Variants in PTPRQ observed in about 807,000 individuals in gnomAD.
PTPRQ encodes protein tyrosine phosphatase receptor type Q, also known as phosphatidylinositol phosphatase PTPRQ.
Under a neutral mutation model 246.0 loss-of-function variants are expected in PTPRQ, and 199 were observed. That is an observed-to-expected ratio of 0.81 (90% CI 0.72 to 0.91). The LOEUF (loss-of-function observed/expected upper bound fraction) is 0.91. Among genes scored for constraint, PTPRQ ranks in the 40% least tolerant of loss-of-function variants. PTPRQ has a pLI of 0.00. For synonymous variants in PTPRQ, 869 were observed against 853.2 expected, an observed-to-expected ratio of 1.02 and a Z score of -0.32; for missense variants, 2,624 against 2,528.4, an observed-to-expected ratio of 1.04 and a Z score of -0.81.
At chr12:80,643,314 T>G (rs2121204791) in intron 35 of PTPRQ, among the ~76,000 whole-genome samples, 1 of 151,918 alleles carries the variant, frequency 6.6e-6, no homozygotes, top group African/African-American at 2.4e-5. Flanking sequence ...GGCAGACACC[T>G]GTAATCCCAG....
chr12:80,574,768 G>A (rs570110296), intron 25 of PTPRQ, among the ~76,000 whole-genome samples: 138 of 152,172 alleles, frequency 9.1e-4, no homozygotes, highest in Non-Finnish European at 1.6e-3. Flanking sequence ...TGTTATACGT[G>A]TCAGCTATAT....
At chr12:80,505,148 T>A (rs1401504308) in intron 14 of PTPRQ, among the ~76,000 whole-genome samples, 1 of 151,912 alleles carries the variant, frequency 6.6e-6, no homozygotes, top group Non-Finnish European at 1.5e-5. Context: ...TACACATATG[T>A]TACTATACAA....
At chr12:80,482,052 G>A (rs1894082776) in intron 8 of PTPRQ, among the ~76,000 whole-genome samples, 3 of 149,746 alleles carry the variant, frequency 2.0e-5, no homozygotes, top group South Asian at 2.1e-4. Context: ...AACCAAAAAA[G>A]AGCCCGCATC....
At chr12:80,514,402 A>ACACACACTCTCTCTCT (rs552667526) in intron 17 of PTPRQ, among the ~76,000 whole-genome samples, 2 of 112,980 alleles carry the variant, frequency 1.8e-5, no homozygotes, top group Admixed American at 1.0e-4. Flanking sequence ...ACACACACAC[A>ACACACACTCTCTCTCT]CTCTCTCTCT....
chr12:80,521,347 G>C (rs1472983858), intron 17 of PTPRQ, among the ~76,000 whole-genome samples: 1 of 152,062 alleles, frequency 6.6e-6, no homozygotes, highest in Non-Finnish European at 1.5e-5. Context: ...CTTTTGCTGT[G>C]CAGAAGCTCT....
intron 6 of PTPRQ, among the ~76,000 whole-genome samples, chr12:80,467,656 A>C (rs2120523304): frequency 6.6e-6 from 1 of 152,138 alleles, no homozygotes; most frequent in South Asian, 2.1e-4. Flanking sequence ...GCACATATAC[A>C]CCATGGAATA....
At chr12:80,651,039 C>T (rs1739890574) in intron 37 of PTPRQ, among the ~76,000 whole-genome samples, 1 of 151,936 alleles carries the variant, frequency 6.6e-6, no homozygotes, top group Admixed American at 6.6e-5. Flanking sequence ...TTTATAAGTT[C>T]CTACTATGTG....
At chr12:80,482,289 T>C (rs890803910) in intron 8 of PTPRQ, among the ~76,000 whole-genome samples, 1 of 151,598 alleles carries the variant, frequency 6.6e-6, no homozygotes, top group East Asian at 1.9e-4. Context: ...ATTCCTTATT[T>C]AATAAATGGT....
chr12:80,596,746 A>T (rs1218857040), intron 26 of PTPRQ, among the ~76,000 whole-genome samples: 1 of 152,040 alleles, frequency 6.6e-6, no homozygotes, highest in Non-Finnish European at 1.5e-5. Flanking sequence ...TTTCTTCTGC[A>T]TTTACCAAGA....
At chr12:80,648,217 A>G (rs1900139970) in intron 35 of PTPRQ, among the ~76,000 whole-genome samples, 3 of 152,006 alleles carry the variant, frequency 2.0e-5, no homozygotes, top group South Asian at 2.1e-4. Context: ...TCATTTCATT[A>G]TATTTTGTGC....
At chr12:80,530,321 A>G (rs1895807517) in intron 17 of PTPRQ, among the ~76,000 whole-genome samples, 1 of 152,224 alleles carries the variant, frequency 6.6e-6, no homozygotes, top group Admixed American at 6.5e-5. Flanking sequence ...AAATTGTTTT[A>G]GAATTATTTA....
rs1463916861 is a variant in PTPRQ, at chr12:80,613,727, A to G, written c.5054A>G (p.Asp1685Gly). ...QVYQALVYRE[D>G]DPTAVQIHNL... The stretch of plus-strand genomic sequence containing the variant: ...TATCAAGCTCTGGTTTACCGAGAAG[A>G]TGATCCTACTGCTGTCCAGATTCAC... Residue 1685 changes from aspartate to glycine, a missense_variant, in exon 29 of 45, where the codon GAT (aspartate) becomes GGT (glycine). Coordinates refer to ENST00000644991, the MANE Select transcript of PTPRQ (RefSeq NM_001145026.2). 1.9e-6 allele frequency: 3 copies of G among 1,546,136 alleles called. No individual in the cohort carries two copies. The highest frequency in any genetic ancestry group is 2.6e-6 in the Non-Finnish European group (3 of 1,143,288).
Position 80,610,645 on chromosome 12 carries a change from C to A in PTPRQ, c.4918+20C>A. The A allele has an allele frequency of 1.3e-6, 2 of 1,538,396 alleles. No homozygotes were observed. Among genetic ancestry groups the A allele is most frequent in the African/African-American group, 1.4e-5 (1 of 72,288 alleles). ...AATCAGGTAAGGAGAATTTCTCAAC[C>A]TTGCTAAAAATTGACTGAGATTTAG... On this transcript the variant is annotated intron_variant, in intron 28 of 44. Coordinates refer to ENST00000644991, the MANE Select transcript of PTPRQ (RefSeq NM_001145026.2).
Position 80,449,693 on chromosome 12 carries a change from C to T in PTPRQ, c.390+3976C>T, listed in dbSNP as rs544401337. Among the ~76,000 whole-genome samples the T allele has an allele frequency of 1.6e-4, 24 of 151,988 alleles. No homozygotes were observed. The East Asian group carries it at 2.7e-3, about 17-fold the overall frequency. On this transcript the variant is annotated intron_variant, in intron 3 of 44. Transcript: ENST00000644991. ...CAAAGATCAGATAGTTGTAGATATGCGGCATGATTTCGGAGGGCTCTGTTC... is the reference window on the plus strand; with the variant it reads ...CAAAGATCAGATAGTTGTAGATATGTGGCATGATTTCGGAGGGCTCTGTTC...
intron 25 of PTPRQ, among the ~76,000 whole-genome samples, chr12:80,561,904 T>C (rs1438301826): frequency 3.3e-5 from 5 of 152,226 alleles, no homozygotes; most frequent in Non-Finnish European, 7.3e-5. Flanking sequence ...TTGTTTGTGA[T>C]GTTAGCTGTA....
intron 7 of PTPRQ, 108 bp from the exon 8 acceptor site, chr12:80,471,997 A>G (rs1464883937): frequency 1.5e-6 from 2 of 1,348,154 alleles, no homozygotes; most frequent in Non-Finnish European, 2.0e-6. Flanking sequence ...AACAAATTTT[A>G]GTGCATAGGT....
intron 25 of PTPRQ, among the ~76,000 whole-genome samples, chr12:80,571,218 C>T (rs1449111092): frequency 6.6e-6 from 1 of 152,154 alleles, no homozygotes; most frequent in Non-Finnish European, 1.5e-5. Flanking sequence ...GATCTTGGCT[C>T]ACTGCAACCT....
Position 80,542,239 on chromosome 12 carries a change from C to A in PTPRQ, c.3596C>A (p.Thr1199Asn). ...CCAAATGAAAATTATTCTTTCATTA[C>A]TTCTGATAATTACATAATATTGGAA... The part of the protein sequence containing the change: ...QGPNENYSFI[T>N]SDNYIILEEL... The change falls in exon 22 of 45, where the codon ACT becomes AAT. Residue 1199 changes from threonine to asparagine, a missense_variant. Coordinates refer to ENST00000644991, the MANE Select transcript of PTPRQ (RefSeq NM_001145026.2). The A allele has an allele frequency of 6.4e-7, 1 of 1,550,724 alleles. No individual in the cohort carries two copies. The highest frequency in any genetic ancestry group is 2.4e-5 in the East Asian group (1 of 40,850).
At position 80,518,043 on chromosome 12, in the gene PTPRQ, T is replaced by C. The variant is rs370214267; in HGVS notation, c.2678+7600T>C. On this transcript the variant is annotated intron_variant, in intron 17 of 44. Coordinates refer to ENST00000644991, the MANE Select transcript of PTPRQ (RefSeq NM_001145026.2). ...TTTACATTAGCTCTATTTTTAGTTT[T>C]TTGAGGACCTTCCAAACTGTTCTCC... is the stretch of plus-strand genomic sequence containing the variant. Among the ~76,000 whole-genome samples the C allele has an allele frequency of 5.9e-5, 9 of 152,280 alleles. No homozygotes were observed. In the East Asian group the frequency reaches 9.6e-4, roughly 16 times the overall value.
Sources: allele counts gnomAD v4.1 joint callset (sites outside exome capture counted in the v4.1 genomes callset), GRCh38; gene constraint gnomAD v4.1.1; transcripts MANE v1.5; gene names NCBI Gene and HGNC (gene_info 2026-07-23, HGNC 2026-07-21).